Variants in CHRNA7 observed in about 807,000 individuals in gnomAD.
The protein encoded by CHRNA7 is cholinergic receptor nicotinic alpha 7 subunit, also known as neuronal acetylcholine receptor subunit alpha-7.
Under a neutral mutation model 48.0 loss-of-function variants are expected in CHRNA7, and 17 were observed. That is an observed-to-expected ratio of 0.35 (90% CI 0.24 to 0.53). The LOEUF (loss-of-function observed/expected upper bound fraction) is 0.53, where lower values mean the gene tolerates loss of function less well. CHRNA7 is among the 20% of genes least tolerant of loss of function. CHRNA7 has a pLI of 0.92. For synonymous variants in CHRNA7, 75 were observed against 242.3 expected (o/e 0.31, Z 6.41); for missense variants, 155 against 577.7 (o/e 0.27, Z 7.50).
intron 4 of CHRNA7, among the ~76,000 whole-genome samples, chr15:32,125,831 CT>C: frequency 6.6e-6 from 1 of 152,216 alleles, no homozygotes; most frequent in Admixed American, 6.5e-5. Context: ...CTCTGTCCTG[CT>C]GGGCATGAAT....
chr15:32,172,234 C>T lies in CHRNA7; in HGVS notation c.*3776C>T. ...ATTCCACTTTATTTTCTATTTTATCCCATTGTATAAGAAAGTAGTTGGTTT... is the reference window on the plus strand; with the variant it reads ...ATTCCACTTTATTTTCTATTTTATCTCATTGTATAAGAAAGTAGTTGGTTT... On this transcript the variant is annotated 3_prime_UTR_variant, in exon 10 of 10. Transcript: ENST00000306901. 1 of 107,722 alleles carries T rather than the reference C, an allele frequency of 9.3e-6. No homozygotes were observed. Among genetic ancestry groups the T allele is most frequent in the Non-Finnish European group, 2.2e-5 (1 of 45,918 alleles). The allele number at this position is 107,722 out of a possible 1,614,324, so 6.7% of individuals were successfully genotyped here. A position where few individuals can be genotyped will look rare whatever the true frequency, so the allele number is the denominator to read the frequency against.
intron 2 of CHRNA7, among the ~76,000 whole-genome samples, chr15:32,063,441 C>T (rs773961476): frequency 2.6e-5 from 4 of 152,116 alleles, no homozygotes; most frequent in Non-Finnish European, 5.9e-5. Flanking sequence ...TGAAAAGTTA[C>T]ATAGGACAAA....
Position 32,148,729 on chromosome 15 carries a change from A to C in CHRNA7, c.351-5178A>C, listed in dbSNP as rs562723995. 1.6e-3 allele frequency among the ~76,000 whole-genome samples: 237 copies of C among 152,306 alleles called. 2 individuals are homozygous for C. The highest frequency in any genetic ancestry group is 5.5e-3 in the African/African-American group (230 of 41,574). ...GGGGGCCAAGCAGTGGTTTGCTCCC[A>C]AGCCCTCTTTCAGCCTCACTGCTTA... On this transcript the variant is annotated intron_variant, in intron 4 of 9. Coordinates refer to ENST00000306901, the MANE Select transcript of CHRNA7 (RefSeq NM_000746.6).
chr15:32,141,811 A>C lies in CHRNA7; in HGVS notation c.351-12096A>C, dbSNP rs373388312. Among the ~76,000 whole-genome samples, 3 of 152,302 alleles carry C rather than the reference A, an allele frequency of 2.0e-5. No individual in the cohort carries two copies. The East Asian group carries it at 5.8e-4, about 29-fold the overall frequency. ...TTGCTGAAGTTGCTTAATCAGCTTG[A>C]GATTTTTGGCTGAGACAATGGGGTT... is the stretch of plus-strand genomic sequence containing the variant. On this transcript the variant is annotated intron_variant, in intron 4 of 9. Transcript: ENST00000306901.
At chr15:32,069,960 T>A (rs971193972) in intron 2 of CHRNA7, among the ~76,000 whole-genome samples, 7 of 152,324 alleles carry the variant, frequency 4.6e-5, no homozygotes, top group African/African-American at 1.7e-4. Context: ...AATTATTTTT[T>A]ATCTGATTTT....
chr15:32,137,011 G>C (rs368494530), intron 4 of CHRNA7, among the ~76,000 whole-genome samples: 1 of 109,758 alleles, frequency 9.1e-6, no homozygotes, highest in Non-Finnish European at 1.6e-5. Context: ...CAGCCTGGGC[G>C]ACAGAGCGAG....
At chr15:32,055,558 A>G (rs908904710) in intron 2 of CHRNA7, among the ~76,000 whole-genome samples, 1 of 152,166 alleles carries the variant, frequency 6.6e-6, no homozygotes. Flanking sequence ...CTCCCAAGGT[A>G]ACTGCATTAG....
intron 2 of CHRNA7, among the ~76,000 whole-genome samples, chr15:32,086,620 TG>T (rs1289349411): frequency 6.6e-6 from 1 of 152,226 alleles, no homozygotes; most frequent in Non-Finnish European, 1.5e-5. Context: ...TTCCTGTTTC[TG>T]TTCCACGATC....
At chr15:32,128,748 C>T (rs914669726) in intron 4 of CHRNA7, among the ~76,000 whole-genome samples, 5 of 151,706 alleles carry the variant, frequency 3.3e-5, no homozygotes, top group African/African-American at 1.2e-4. Flanking sequence ...GATTTCTAGG[C>T]CTCTTACTTC....
chr15:32,031,029 A>G lies in CHRNA7; in HGVS notation c.187A>G (p.Met63Val). The change falls in exon 2 of 10, where the codon ATG becomes GTG. Residue 63 changes from methionine (M) to valine (V), a missense_variant. Coordinates refer to ENST00000306901, the MANE Select transcript of CHRNA7 (RefSeq NM_000746.6). ...CTTCTCCCTGAGCCTCCTGCAGATC[A>G]TGGACGTGGTGAGTCCCGCCTGGCT... ...VYFSLSLLQI[M>V]DVDEKNQVLT... 4 of 1,614,164 alleles carry G rather than the reference A, an allele frequency of 2.5e-6. No individual in the cohort carries two copies. The highest frequency in any genetic ancestry group is 2.2e-5 in the East Asian group (1 of 44,876).
intron 4 of CHRNA7, among the ~76,000 whole-genome samples, chr15:32,133,195 C>T (rs1485255794): frequency 1.3e-5 from 2 of 152,234 alleles, no homozygotes; most frequent in Non-Finnish European, 2.9e-5. Context: ...AACATCTTCT[C>T]CTTCCACTGC....
chr15:32,068,986 C>T (rs2050011402), intron 2 of CHRNA7, among the ~76,000 whole-genome samples: 1 of 152,152 alleles, frequency 6.6e-6, no homozygotes, highest in Non-Finnish European at 1.5e-5. Flanking sequence ...ACTTGAATGG[C>T]TTTCGTCTGC....
At chr15:32,097,592 A>G (rs776158307) in intron 2 of CHRNA7, among the ~76,000 whole-genome samples, 19 of 152,138 alleles carry the variant, frequency 1.2e-4, no homozygotes, top group Non-Finnish European at 2.2e-4. Flanking sequence ...ACAAACTTCT[A>G]TTTTTTATAA....
At chr15:32,070,454 C>CA (rs912587902) in intron 2 of CHRNA7, among the ~76,000 whole-genome samples, 6 of 149,718 alleles carry the variant, frequency 4.0e-5, no homozygotes, top group East Asian at 1.9e-4. Flanking sequence ...TATTTTCCAG[C>CA]AAAAAAAAAG....
intron 2 of CHRNA7, among the ~76,000 whole-genome samples, chr15:32,098,274 C>A (rs541416369): frequency 6.6e-6 from 1 of 152,080 alleles, no homozygotes; most frequent in Non-Finnish European, 1.5e-5. Context: ...ACGTGCTTGC[C>A]AAGGATCGAG....
At chr15:32,128,441 C>A (rs927924085) in intron 4 of CHRNA7, among the ~76,000 whole-genome samples, 11 of 151,914 alleles carry the variant, frequency 7.2e-5, no homozygotes, top group Non-Finnish European at 1.3e-4. Context: ...TTTCAATCTT[C>A]TATGATTTTT....
intron 4 of CHRNA7, among the ~76,000 whole-genome samples, chr15:32,130,762 T>C (rs1373159905): frequency 6.6e-6 from 1 of 152,060 alleles, no homozygotes; most frequent in Non-Finnish European, 1.5e-5. Context: ...CTGGTTCAAG[T>C]AAAGTAGATA....
intron 2 of CHRNA7, among the ~76,000 whole-genome samples, chr15:32,082,199 A>T (rs2050227262): frequency 6.6e-6 from 1 of 151,928 alleles, no homozygotes; most frequent in African/African-American, 2.4e-5. Flanking sequence ...CTTTGGATTT[A>T]TCTTGTTTGG....
At chr15:32,113,085 C>T (rs1009439490) in intron 4 of CHRNA7, among the ~76,000 whole-genome samples, 1 of 152,102 alleles carries the variant, frequency 6.6e-6, no homozygotes, top group Non-Finnish European at 1.5e-5. Flanking sequence ...TTTGCCAAGG[C>T]TGCTGTAACA....
Sources: allele counts gnomAD v4.1 joint callset (sites outside exome capture counted in the v4.1 genomes callset), GRCh38; gene constraint gnomAD v4.1.1; transcripts MANE v1.5; gene names NCBI Gene and HGNC (gene_info 2026-07-23, HGNC 2026-07-21).